LRRC3B: variants seen among roughly 807,000 people sequenced by gnomAD.
LRRC3B encodes the protein leucine rich repeat containing 3B, also known as leucine-rich repeat-containing protein 3B.
A neutral mutation model predicts 12.8 loss-of-function variants in LRRC3B; 2 were observed. The ratio of observed to expected loss-of-function variants is 0.16; its 90% CI spans 0.06 to 0.49. The LOEUF is 0.49. LRRC3B is among the 20% of genes least tolerant of loss of function. LRRC3B has a pLI of 0.96. For missense variants in LRRC3B, 189 were observed against 319.4 expected, an observed-to-expected ratio of 0.59 and a Z score of 3.11; for synonymous variants, 132 against 122.0, an observed-to-expected ratio of 1.08 and a Z score of -0.54.
At chr3:26,657,120 G>C (rs1004272894) in intron 1 of LRRC3B, among the ~76,000 whole-genome samples, 1 of 152,152 alleles carries the variant, frequency 6.6e-6, no homozygotes, top group Admixed American at 6.5e-5. Flanking sequence ...TAAAATATTT[G>C]TTTTTAATAT....
chr3:26,683,961 C>T (rs1484042722), intron 1 of LRRC3B, among the ~76,000 whole-genome samples: 1 of 152,196 alleles, frequency 6.6e-6, no homozygotes, highest in Non-Finnish European at 1.5e-5. Flanking sequence ...AAAGCTGATC[C>T]TCTGTCCACA....
At chr3:26,671,369 T>TAGAGAGAGAGAGAGAGAGAG (rs773929815) in intron 1 of LRRC3B, among the ~76,000 whole-genome samples, 21 of 38,192 alleles carry the variant, frequency 5.5e-4, no homozygotes, top group Non-Finnish European at 9.4e-4. Context: ...TATATATATA[T>TAGAGAGAGAGAGAGAGAGAG]ATATAGAGAG....
chr3:26,710,274 C>A, exon 2 of LRRC3B: 1 of 1,613,918 alleles, frequency 6.2e-7, no homozygotes, highest in Non-Finnish European at 8.5e-7. Context: ...CCTAAAAAAA[C>A]TACCGATTAT....
intron 1 of LRRC3B, among the ~76,000 whole-genome samples, chr3:26,640,383 C>T (rs1467180821): frequency 2.7e-5 from 4 of 149,428 alleles, no homozygotes; most frequent in Admixed American, 6.7e-5. Flanking sequence ...CAAAACAAAA[C>T]ATACCCCCAA....
In LRRC3B at chr3:26,643,248, A is replaced by ATG. The variant is rs758390976; in HGVS notation, c.-161+20016_-161+20017dup. Among the ~76,000 whole-genome samples the ATG allele has an allele frequency of 5.2e-3, 635 of 123,100 alleles. 1 individual carries two copies. The highest frequency in any genetic ancestry group is 0.014 in the African/African-American group (439 of 31,896). The allele number at this position is 123,100 out of a possible 152,430, so 80.8% of individuals were successfully genotyped here. ...GTGATGTGGTTTTGTATACACACAT[A>ATG]TGTGTGAGTGTGTGTGTGTGTGTGT... On this transcript the variant is annotated intron_variant, in intron 1 of 1. Transcript: ENST00000396641.
rs558594356 is a variant in LRRC3B at position 26,695,120 on chromosome 3, T to C, written c.-160-14393T>C. ...CATTCAAATTTTTCTCTCAGTGATA[T>C]GTATTTGACAACTTTTTATCAGAAT... On this transcript the variant is annotated intron_variant, in intron 1 of 1. Transcript: ENST00000396641. Among the ~76,000 whole-genome samples, 4 of 152,336 alleles carry C rather than the reference T, an allele frequency of 2.6e-5. No homozygotes were observed. In the East Asian group the frequency reaches 7.7e-4, roughly 29 times the overall value.
chr3:26,634,340 C>G (rs956864049), intron 1 of LRRC3B, among the ~76,000 whole-genome samples: 1 of 152,304 alleles, frequency 6.6e-6, no homozygotes, highest in Admixed American at 6.5e-5. Flanking sequence ...CTCAGTACCG[C>G]CCTACGCATG....
At chr3:26,706,150 G>A (rs36100740) in intron 1 of LRRC3B, among the ~76,000 whole-genome samples, 25,858 of 152,074 alleles carry the variant, frequency 0.17, 2,725 homozygotes, top group East Asian at 0.26. Flanking sequence ...GAAGGGATGA[G>A]AGAATTCTCT....
intron 1 of LRRC3B, among the ~76,000 whole-genome samples, chr3:26,626,708 A>G (rs1388458346): frequency 6.6e-6 from 1 of 152,222 alleles, no homozygotes; most frequent in African/African-American, 2.4e-5. Flanking sequence ...ACTCTATATC[A>G]TATATAATGA....
At chr3:26,705,883 T>C (rs4530490) in intron 1 of LRRC3B, among the ~76,000 whole-genome samples, 87,928 of 152,026 alleles carry the variant, frequency 0.58, 27,687 homozygotes, top group African/African-American at 0.85. Flanking sequence ...TTGGAAACTA[T>C]AGAACCAGTA....
chr3:26,662,358 T>C (rs745512524), intron 1 of LRRC3B, among the ~76,000 whole-genome samples: 1 of 152,184 alleles, frequency 6.6e-6, no homozygotes, highest in Non-Finnish European at 1.5e-5. Context: ...TGAGTATGAA[T>C]ATACAGTTGT....
intron 1 of LRRC3B, among the ~76,000 whole-genome samples, chr3:26,658,791 A>G (rs1227213762): frequency 6.6e-6 from 1 of 152,196 alleles, no homozygotes; most frequent in East Asian, 1.9e-4. Flanking sequence ...TAATTTAGGC[A>G]GCTTCAAGTC....
intron 1 of LRRC3B, among the ~76,000 whole-genome samples, chr3:26,682,457 C>A (rs1295011199): frequency 6.6e-6 from 1 of 152,176 alleles, no homozygotes; most frequent in Non-Finnish European, 1.5e-5. Context: ...CAGGAAAGAA[C>A]TGCTTTGGTT....
At chr3:26,668,637 G>A (rs563710567) in intron 1 of LRRC3B, among the ~76,000 whole-genome samples, 13 of 152,134 alleles carry the variant, frequency 8.5e-5, no homozygotes, top group Non-Finnish European at 1.8e-4. Flanking sequence ...TGGCAGCATT[G>A]AGACCTTTTG....
chr3:26,691,789 C>T (rs1700199528), intron 1 of LRRC3B, among the ~76,000 whole-genome samples: 1 of 152,190 alleles, frequency 6.6e-6, no homozygotes, highest in South Asian at 2.1e-4. Flanking sequence ...CTTTTGCAGA[C>T]ATAATATTGG....
chr3:26,679,437 T>A (rs944291777), intron 1 of LRRC3B, among the ~76,000 whole-genome samples: 2 of 152,202 alleles, frequency 1.3e-5, no homozygotes, highest in Admixed American at 1.3e-4. Context: ...AACTTTTCAC[T>A]TTTCTTCAAA....
intron 1 of LRRC3B, among the ~76,000 whole-genome samples, chr3:26,695,313 G>A (rs775009600): frequency 2.6e-5 from 4 of 152,170 alleles, no homozygotes; most frequent in Non-Finnish European, 4.4e-5. Flanking sequence ...GGACCACGAG[G>A]TCAGGAGATC....
intron 1 of LRRC3B, among the ~76,000 whole-genome samples, chr3:26,662,899 G>T (rs1014088360): frequency 6.6e-6 from 1 of 152,108 alleles, no homozygotes; most frequent in Non-Finnish European, 1.5e-5. Flanking sequence ...ATGTCATGAG[G>T]ATTTGAAGTC....
At chr3:26,693,814 T>C (rs1700245080) in intron 1 of LRRC3B, among the ~76,000 whole-genome samples, 1 of 152,158 alleles carries the variant, frequency 6.6e-6, no homozygotes, top group Admixed American at 6.5e-5. Context: ...TTAAGGGTAA[T>C]AGTATTAAAT....
Sources: allele counts gnomAD v4.1 joint callset (sites outside exome capture counted in the v4.1 genomes callset), GRCh38; gene constraint gnomAD v4.1.1; transcripts MANE v1.5; gene names NCBI Gene and HGNC (gene_info 2026-07-23, HGNC 2026-07-21).